The following RP1L1 variants were observed in gnomAD, a reference collection of about 807,000 sequenced individuals.
RP1L1 encodes the protein retinitis pigmentosa 1-like 1 protein.
In RP1L1, 27 loss-of-function variants were observed where a neutral mutation model predicts 15.7. That is an observed-to-expected ratio of 1.72 (90% CI 1.27 to 2.38). The LOEUF (loss-of-function observed/expected upper bound fraction) is 2.38. Ranked by LOEUF, RP1L1 falls within the 30% of genes most tolerant of loss-of-function variation. The probability of loss-of-function intolerance (pLI) is 0.00; values close to 1 mark genes in which losing one functional copy is unlikely to be tolerated. For synonymous variants in RP1L1, 1,813 were observed against 1,276.7 expected, an observed-to-expected ratio of 1.42 and a Z score of -8.96; for missense variants, 4,798 against 3,075.9, an observed-to-expected ratio of 1.56 and a Z score of -13.24.
Position 10,607,069 on chromosome 8 carries a change from C to T in RP1L1, c.7029G>A (p.Met2343Ile), listed in dbSNP as rs1797715286. ...TPHAERKATR[M>I]YPESSTSEQE... ...GCTCAGAAGTAGAACTTTCTGGGTA[C>T]ATCCTGGTGGCCTTCCTCTCTGCAT... The change falls in exon 4 of 4, where the codon ATG (methionine) becomes ATA (isoleucine). Residue 2343 changes from methionine to isoleucine, a missense_variant. Transcript: ENST00000382483. 1.2e-6 allele frequency: 2 copies of T among 1,614,232 alleles called. No homozygotes were observed. Among genetic ancestry groups the T allele is most frequent in the South Asian group, 1.1e-5 (1 of 91,088 alleles).
chr8:10,652,758 C>T (rs1291754609), intron 1 of RP1L1, among the ~76,000 whole-genome samples: 2 of 152,160 alleles, frequency 1.3e-5, no homozygotes, highest in East Asian at 1.9e-4. Flanking sequence ...ACTCTGAGCC[C>T]ACGTCCCCCC....
intron 2 of RP1L1, chr8:10,621,734 T>C (rs780836895): frequency 2.0e-6 from 1 of 508,498 alleles, no homozygotes; most frequent in South Asian, 1.4e-5. Flanking sequence ...CCATCCTCCA[T>C]TCTGCCGACC....
intron 2 of RP1L1, chr8:10,621,721 C>T: frequency 2.0e-6 from 1 of 505,480 alleles, no homozygotes; most frequent in Non-Finnish European, 4.0e-6. Flanking sequence ...GGTCAGTCAA[C>T]CTCCATCCTC....
intron 1 of RP1L1, among the ~76,000 whole-genome samples, chr8:10,634,398 A>T (rs1393438526): frequency 6.6e-6 from 1 of 152,136 alleles, no homozygotes. Flanking sequence ...CATGGTCATC[A>T]TCAGCATCTG....
intron 3 of RP1L1, among the ~76,000 whole-genome samples, chr8:10,613,650 G>T (rs762555012): frequency 1.3e-5 from 2 of 150,170 alleles, no homozygotes; most frequent in African/African-American, 2.5e-5. Flanking sequence ...CCTAAGCATG[G>T]TAGTATGCCC....
chr8:10,637,791 G>C (rs182680185), intron 1 of RP1L1, among the ~76,000 whole-genome samples: 1 of 152,322 alleles, frequency 6.6e-6, no homozygotes, highest in Admixed American at 6.5e-5. Context: ...AAAGAGACGG[G>C]GGAAGTAGGA....
rs187362545 is a variant in RP1L1, at chr8:10,650,630, C to A, written c.-20+4268G>T. Among the ~76,000 whole-genome samples the A allele has an allele frequency of 6.7e-4, 102 of 151,704 alleles. 2 individuals carry two copies. Among genetic ancestry groups the A allele is most frequent in the South Asian group, 6.0e-3 (29 of 4,798 alleles). ...GGAGTGCAGTGGTGCGATCTCAGCT[C>A]ACTGCTAACCTCTGCCACCCAGGGT... On this transcript the variant is annotated intron_variant, in intron 1 of 3. Transcript: ENST00000382483.
intron 1 of RP1L1, among the ~76,000 whole-genome samples, chr8:10,636,621 G>A (rs1414381892): frequency 6.6e-6 from 1 of 152,184 alleles, no homozygotes; most frequent in Non-Finnish European, 1.5e-5. Context: ...AGGAAGAACT[G>A]TTGTTTTAAC....
At chr8:10,618,420 T>C (rs1180039545) in intron 2 of RP1L1, among the ~76,000 whole-genome samples, 3 of 152,210 alleles carry the variant, frequency 2.0e-5, no homozygotes, top group South Asian at 4.1e-4. Flanking sequence ...AGGCAGAGAA[T>C]TGCTTCAACC....
At chr8:10,653,632 C>G (rs764747082) in intron 1 of RP1L1, among the ~76,000 whole-genome samples, 2 of 149,656 alleles carry the variant, frequency 1.3e-5, no homozygotes, top group East Asian at 1.9e-4. Flanking sequence ...AACATACACA[C>G]TCATGTGCAC....
At position 10,611,223 on chromosome 8, in the gene RP1L1, C is replaced by T. The variant is rs780471247; in HGVS notation, c.2875G>A (p.Glu959Lys). The change falls in exon 4 of 4, where the codon GAA (glutamate) becomes AAA (lysine). Residue 959 changes from glutamate to lysine, a missense_variant. Physicochemically the swap from Glu to Lys is moderately conservative, Grantham distance 56. Transcript: ENST00000382483. ...TCTTCTGGAATGTTGTCCAGCCATT[C>T]GCGGACCACAGCCTCTGGAGACGAG... is the stretch of plus-strand genomic sequence containing the variant. Reference protein sequence around the residue: ...PRSSPEAVVREWLDNIPEEPI... With the variant: ...PRSSPEAVVRKWLDNIPEEPI... 10 of 1,612,912 alleles carry T rather than the reference C, an allele frequency of 6.2e-6. No homozygotes were observed. The highest frequency in any genetic ancestry group is 2.7e-5 in the African/African-American group (2 of 74,934).
chr8:10,651,562 A>T (rs980408027), intron 1 of RP1L1, among the ~76,000 whole-genome samples: 1 of 152,076 alleles, frequency 6.6e-6, no homozygotes, highest in Non-Finnish European at 1.5e-5. Flanking sequence ...CCCCATCTCT[A>T]CTAAAAATAC....
At chr8:10,639,198 C>T (rs1041563653) in intron 1 of RP1L1, among the ~76,000 whole-genome samples, 1 of 151,682 alleles carries the variant, frequency 6.6e-6, no homozygotes, top group African/African-American at 2.4e-5. Context: ...TCTGTGGAGA[C>T]CTTTGCTTGC....
chr8:10,640,652 C>A (rs1200578892), intron 1 of RP1L1, among the ~76,000 whole-genome samples: 1 of 150,704 alleles, frequency 6.6e-6, no homozygotes, highest in Non-Finnish European at 1.5e-5. Context: ...GACTCCATCT[C>A]AAAATAATAA....
Position 10,616,326 on chromosome 8 carries a change from G to T in RP1L1, c.751+120C>A, listed in dbSNP as rs144702553. The stretch of plus-strand genomic sequence containing the variant: ...GCAAGAGAGATCCCAAAATGACTGG[G>T]ATACCCAAGATCTGGGGCCAAAGGG... On this transcript the variant is annotated intron_variant, in intron 3 of 3. Transcript: ENST00000382483. 6.1e-4 allele frequency: 788 copies of T among 1,295,024 alleles called. 3 individuals are homozygous for T. In the African/African-American group the frequency reaches 7.6e-3, roughly 12 times the overall value. The allele number at this position is 1,295,024 out of a possible 1,614,324, so 80.2% of individuals were successfully genotyped here. A position where few individuals can be genotyped will look rare whatever the true frequency, so the allele number is the denominator to read the frequency against.
intron 2 of RP1L1, among the ~76,000 whole-genome samples, chr8:10,617,730 G>T (rs574571448): frequency 6.6e-6 from 1 of 151,602 alleles, no homozygotes; most frequent in Non-Finnish European, 1.5e-5. Flanking sequence ...CTAATTTTTT[G>T]TATTTTTAGT....
intron 1 of RP1L1, among the ~76,000 whole-genome samples, chr8:10,641,644 G>A (rs963791579): frequency 3.9e-5 from 6 of 152,188 alleles, no homozygotes; most frequent in Non-Finnish European, 8.8e-5. Flanking sequence ...CCATGTGATT[G>A]AGCACTTGCA....
chr8:10,627,593 A>T (rs1438220024), intron 1 of RP1L1, among the ~76,000 whole-genome samples: 1 of 152,000 alleles, frequency 6.6e-6, no homozygotes, highest in Non-Finnish European at 1.5e-5. Flanking sequence ...GTACACTTAC[A>T]AACAGTTTAG....
intron 1 of RP1L1, among the ~76,000 whole-genome samples, chr8:10,634,942 C>A (rs1798306969): frequency 6.6e-6 from 1 of 152,186 alleles, no homozygotes; most frequent in Non-Finnish European, 1.5e-5. Flanking sequence ...AGGCCCATCT[C>A]CCCCAGAAAT....
Sources: gnomAD v4.1 joint callset for allele counts (sites outside exome capture counted in the v4.1 genomes callset) on GRCh38, gnomAD v4.1.1 for gene constraint, MANE v1.5 for transcripts, NCBI Gene and HGNC (gene_info 2026-07-23, HGNC 2026-07-21) for gene names.